The following DLG2 variants were observed in gnomAD, a reference collection of about 807,000 sequenced individuals.
DLG2 encodes disks large homolog 2.
DLG2 carries 45 observed loss-of-function variants against 132.5 expected under a neutral mutation model. That is an observed-to-expected ratio of 0.34 (90% CI 0.27 to 0.44). DLG2 has a LOEUF of 0.44. Ranked by LOEUF, DLG2 falls within the 20% of genes least tolerant of loss-of-function variation. The pLI is 1.00. For synonymous variants in DLG2, 424 were observed against 419.6 expected (o/e 1.01, Z -0.13); for missense variants, 1,045 against 1,196.9 (o/e 0.87, Z 1.87).
intron 6 of DLG2, among the ~76,000 whole-genome samples, chr11:84,712,182 A>T (rs2060525684): frequency 6.6e-6 from 1 of 152,124 alleles, no homozygotes; most frequent in Non-Finnish European, 1.5e-5. Context: ...TTAAAGTCTG[A>T]GCTCTTTCAG....
intron 3 of DLG2, among the ~76,000 whole-genome samples, chr11:85,549,557 G>A (rs188814400): frequency 1.2e-4 from 18 of 152,170 alleles, no homozygotes; most frequent in Admixed American, 1.2e-3. Context: ...AGAGGCATTT[G>A]AGCCAGAGCA....
chr11:84,483,713 TG>T (rs1185382760), intron 7 of DLG2, among the ~76,000 whole-genome samples: 2 of 152,128 alleles, frequency 1.3e-5, no homozygotes, highest in Non-Finnish European at 2.9e-5. Context: ...ACTTTTGAAT[TG>T]CAAAATGAAG....
intron 3 of DLG2, among the ~76,000 whole-genome samples, chr11:85,421,480 C>T (rs2090304972): frequency 6.6e-6 from 1 of 151,008 alleles, no homozygotes; most frequent in African/African-American, 2.4e-5. Context: ...AGAATAGCTA[C>T]TTCTGCTTGC....
intron 3 of DLG2, among the ~76,000 whole-genome samples, chr11:85,459,900 G>T (rs1345738552): frequency 6.6e-6 from 1 of 152,220 alleles, no homozygotes; most frequent in African/African-American, 2.4e-5. Context: ...CTCATGTGTA[G>T]AACACTCTGG....
At chr11:84,729,450 T>C (rs551202709) in intron 6 of DLG2, among the ~76,000 whole-genome samples, 1 of 152,168 alleles carries the variant, frequency 6.6e-6, no homozygotes, top group Non-Finnish European at 1.5e-5. Context: ...AGACTGTTTG[T>C]TATGATTTCC....
At chr11:84,983,969 A>G (rs1481595850) in intron 6 of DLG2, among the ~76,000 whole-genome samples, 1 of 152,184 alleles carries the variant, frequency 6.6e-6, no homozygotes, top group Admixed American at 6.5e-5. Context: ...AAATTGAACA[A>G]AGCCTCCAAG....
At chr11:85,000,924 C>T (rs658749) in intron 6 of DLG2, among the ~76,000 whole-genome samples, 108,993 of 151,986 alleles carry the variant, frequency 0.72, 40,354 homozygotes, top group East Asian at 0.92. Context: ...CATTTCATAA[C>T]CCAACTCCTC....
chr11:83,753,903 T>TGA (rs2093531835), intron 18 of DLG2, among the ~76,000 whole-genome samples: 1 of 128,114 alleles, frequency 7.8e-6, no homozygotes, highest in African/African-American at 3.3e-5. Context: ...CATATATATA[T>TGA]TTCATATATA....
At chr11:85,379,006 T>A (rs768851516) in intron 3 of DLG2, among the ~76,000 whole-genome samples, 7 of 152,158 alleles carry the variant, frequency 4.6e-5, no homozygotes, top group Non-Finnish European at 1.5e-5. Flanking sequence ...AATGTAGGAA[T>A]AACAAGCAAA....
At chr11:83,779,461 C>T (rs1460951728) in intron 18 of DLG2, among the ~76,000 whole-genome samples, 1 of 151,958 alleles carries the variant, frequency 6.6e-6, no homozygotes, top group African/African-American at 2.4e-5. Flanking sequence ...GCAGTATGCC[C>T]GAGAAAGTGG....
chr11:84,063,414 T>C (rs894663207), intron 10 of DLG2, among the ~76,000 whole-genome samples: 5 of 152,204 alleles, frequency 3.3e-5, no homozygotes, highest in Non-Finnish European at 7.3e-5. Context: ...TTGCACTAAA[T>C]CAAGTATTTT....
intron 22 of DLG2, among the ~76,000 whole-genome samples, chr11:83,479,640 G>A (rs1206233684): frequency 2.6e-5 from 4 of 152,022 alleles, no homozygotes; most frequent in South Asian, 2.1e-4. Flanking sequence ...GGATGTGATC[G>A]GTGTTTGGTG....
chr11:85,394,029 C>T (rs559317196), intron 3 of DLG2, among the ~76,000 whole-genome samples: 12 of 152,218 alleles, frequency 7.9e-5, no homozygotes, highest in South Asian at 2.1e-4. Flanking sequence ...TGTAACCAAG[C>T]TCCACCTGTT....
chr11:85,142,424 A>G (rs2076554991), intron 5 of DLG2, among the ~76,000 whole-genome samples: 2 of 151,680 alleles, frequency 1.3e-5, no homozygotes, highest in Admixed American at 6.6e-5. Flanking sequence ...CTGCAATTGT[A>G]TTGAATTTAT....
intron 6 of DLG2, among the ~76,000 whole-genome samples, chr11:84,804,949 C>T (rs920019571): frequency 6.6e-6 from 1 of 152,138 alleles, no homozygotes; most frequent in African/African-American, 2.4e-5. Flanking sequence ...AATTAGGGAG[C>T]TTAGATCTCC....
chr11:85,440,850 G>T (rs770200179), intron 3 of DLG2, among the ~76,000 whole-genome samples: 2 of 152,054 alleles, frequency 1.3e-5, no homozygotes, highest in Non-Finnish European at 2.9e-5. Context: ...ATGAAACATG[G>T]GGCCTAGGCA....
chr11:83,725,474 TG>T (rs2089823061), intron 18 of DLG2: 1 of 152,190 alleles, frequency 6.6e-6, no homozygotes, highest in African/African-American at 2.4e-5. Flanking sequence ...GTCCCTTAGG[TG>T]GGAAGAAAAT....
intron 5 of DLG2, among the ~76,000 whole-genome samples, chr11:85,117,495 G>A (rs529025604): frequency 3.2e-4 from 48 of 151,552 alleles, no homozygotes; most frequent in African/African-American, 1.1e-3. Context: ...TGTCAGGTTC[G>A]GAAGGCAAAA....
intron 6 of DLG2, among the ~76,000 whole-genome samples, chr11:85,016,840 C>A (rs2059616034): frequency 6.6e-6 from 1 of 152,078 alleles, no homozygotes; most frequent in African/African-American, 2.4e-5. Context: ...CACAGGTACA[C>A]CACAGCCAGA....
Sources: allele counts gnomAD v4.1 joint callset (sites outside exome capture counted in the v4.1 genomes callset), GRCh38; gene constraint gnomAD v4.1.1; transcripts MANE v1.5; gene names NCBI Gene and HGNC (gene_info 2026-07-23, HGNC 2026-07-21).